The following VPS4B variants were observed in gnomAD, a reference collection of about 807,000 sequenced individuals.
VPS4B encodes vacuolar protein sorting 4 homolog B, also known as vacuolar protein sorting-associated protein 4B.
VPS4B carries 23 observed loss-of-function variants against 56.1 expected under a neutral mutation model. The observed-to-expected ratio is 0.41, with a 90% CI of 0.30 to 0.58. The LOEUF (loss-of-function observed/expected upper bound fraction) is 0.58. Among genes scored for constraint, VPS4B ranks in the 20% least tolerant of loss-of-function variants. The probability of loss-of-function intolerance (pLI) is 0.29; values close to 1 mark genes in which losing one functional copy is unlikely to be tolerated. For synonymous variants in VPS4B, 177 were observed against 186.0 expected, an observed-to-expected ratio of 0.95 and a Z score of 0.39; for missense variants, 372 against 531.9, an observed-to-expected ratio of 0.70 and a Z score of 2.96.
chr18:63,401,403 C>T (rs1159755670), intron 5 of VPS4B, among the ~76,000 whole-genome samples: 1 of 151,984 alleles, frequency 6.6e-6, no homozygotes, highest in Non-Finnish European at 1.5e-5. Flanking sequence ...TATAGGTGCC[C>T]GCCATTACGC....
intron 5 of VPS4B, among the ~76,000 whole-genome samples, chr18:63,401,681 A>G (rs1227473674): frequency 6.6e-6 from 1 of 152,184 alleles, no homozygotes; most frequent in Non-Finnish European, 1.5e-5. Flanking sequence ...AGCTGGCAGT[A>G]AACTATCAAA....
rs1466356685 is a variant in VPS4B, at chr18:63,389,364, A to G, written c.*1611T>C. ...ATTCAGGCCTTTTCCATTTAATAACAAAAACAATCTGTACAGAAAACCCAA... is the reference window on the plus strand; with the variant it reads ...ATTCAGGCCTTTTCCATTTAATAACGAAAACAATCTGTACAGAAAACCCAA... On this transcript the variant is annotated 3_prime_UTR_variant, in exon 11 of 11. Coordinates refer to ENST00000238497, the MANE Select transcript of VPS4B (RefSeq NM_004869.4). The G allele has an allele frequency of 2.0e-5, 3 of 152,646 alleles. No individual in the cohort carries two copies. The highest frequency in any genetic ancestry group is 6.5e-5 in the Admixed American group (1 of 15,286). The allele number at this position is 152,646 out of a possible 1,614,324, so 9.5% of individuals were successfully genotyped here. A position where few individuals can be genotyped will look rare whatever the true frequency, so the allele number is the denominator to read the frequency against.
At position 63,399,323 on chromosome 18, in the gene VPS4B, C is replaced by G. The variant is rs756212918; in HGVS notation, c.791G>C (p.Gly264Ala). 6.2e-7 allele frequency: 1 copy of G among 1,613,330 alleles called. No individual in the cohort carries two copies. Residue 264 changes from glycine to alanine, a missense_variant and splice_region_variant, in exon 8 of 11, where the codon GGG becomes GCG. Transcript: ENST00000238497. ...AATTCCATCATTGTCTACACCAACC[C>G]CTGCATTAAAATAGGTAATGCTTTA... ...IKTEFLVQMQ[G>A]VGVDNDGILV...
chr18:63,397,659 T>C (rs1276116832), intron 8 of VPS4B, among the ~76,000 whole-genome samples: 2 of 152,192 alleles, frequency 1.3e-5, no homozygotes, highest in Admixed American at 6.5e-5. Flanking sequence ...CACAATCTTA[T>C]AGGATATATA....
intron 1 of VPS4B, among the ~76,000 whole-genome samples, chr18:63,412,616 T>TAAA (rs1292274737): frequency 2.0e-5 from 3 of 152,214 alleles, no homozygotes; most frequent in Admixed American, 1.3e-4. Context: ...AATTCTGACT[T>TAAA]AAACTTAATA....
chr18:63,412,304 T>C (rs931994397), intron 1 of VPS4B, among the ~76,000 whole-genome samples: 1 of 152,196 alleles, frequency 6.6e-6, no homozygotes, highest in Non-Finnish European at 1.5e-5. Context: ...AGGAATTTAT[T>C]TGAAACAACA....
chr18:63,418,892 C>G (rs1035527820), intron 1 of VPS4B, among the ~76,000 whole-genome samples: 4 of 152,166 alleles, frequency 2.6e-5, no homozygotes, highest in African/African-American at 7.2e-5. Context: ...GCCTAGTCCA[C>G]TCTCCCTACT....
intron 10 of VPS4B, among the ~76,000 whole-genome samples, chr18:63,392,331 A>G (rs1238660148): frequency 6.6e-6 from 1 of 152,240 alleles, no homozygotes. Context: ...TATTAACTGT[A>G]ATTTTTAAAA....
At chr18:63,412,763 G>A (rs1295769753) in intron 1 of VPS4B, among the ~76,000 whole-genome samples, 2 of 152,142 alleles carry the variant, frequency 1.3e-5, no homozygotes, top group Non-Finnish European at 2.9e-5. Context: ...CTGGGCTCAG[G>A]TGATCATCCT....
intron 5 of VPS4B, among the ~76,000 whole-genome samples, chr18:63,401,011 C>G (rs1271556291): frequency 2.6e-5 from 4 of 152,190 alleles, no homozygotes; most frequent in Non-Finnish European, 5.9e-5. Flanking sequence ...TGCGTGGAGT[C>G]TAGTAGGGGA....
At chr18:63,419,166 T>C (rs191514391) in intron 1 of VPS4B, among the ~76,000 whole-genome samples, 1 of 152,340 alleles carries the variant, frequency 6.6e-6, no homozygotes, top group East Asian at 1.9e-4. Flanking sequence ...CTCACGCCTG[T>C]AATTCTACCA....
Position 63,390,057 on chromosome 18 carries a change from T to C in VPS4B, c.*918A>G, listed in dbSNP as rs192374656. 4 of 152,768 alleles carry C rather than the reference T, an allele frequency of 2.6e-5. No homozygotes were observed. In the East Asian group the frequency reaches 7.7e-4, roughly 29 times the overall value. 9.5% of individuals were successfully genotyped at this position (152,768 alleles called of 1,614,324 possible). A position where few individuals can be genotyped will look rare whatever the true frequency, so the allele number is the denominator to read the frequency against. On this transcript the variant is annotated 3_prime_UTR_variant, in exon 11 of 11. Coordinates refer to ENST00000238497, the MANE Select transcript of VPS4B (RefSeq NM_004869.4). Reference sequence around the variant, plus strand: ...AAAAGCTTACCGTTTTTGTTTTTTTTTGAGACAGAGTTTTATTCAGTCGCC... The same window carrying C: ...AAAAGCTTACCGTTTTTGTTTTTTTCTGAGACAGAGTTTTATTCAGTCGCC...
At chr18:63,414,671 G>A (rs773290858) in intron 1 of VPS4B, among the ~76,000 whole-genome samples, 13 of 152,138 alleles carry the variant, frequency 8.5e-5, no homozygotes, top group Non-Finnish European at 1.2e-4. Context: ...CTGACCTCAG[G>A]TGATACACCT....
intron 3 of VPS4B, among the ~76,000 whole-genome samples, chr18:63,408,783 A>G (rs1198351623): frequency 6.6e-6 from 1 of 152,230 alleles, no homozygotes; most frequent in Non-Finnish European, 1.5e-5. Flanking sequence ...TAAATTAGCC[A>G]AAGTGGGTCC....
chr18:63,394,364 A>G (rs965409586), intron 9 of VPS4B, among the ~76,000 whole-genome samples: 1 of 152,264 alleles, frequency 6.6e-6, no homozygotes, highest in Non-Finnish European at 1.5e-5. Flanking sequence ...TTTATCATGT[A>G]CAACTTATTT....
At chr18:63,411,982 G>GTTATATATATATCTAAAATTA (rs1916055389) in intron 1 of VPS4B, among the ~76,000 whole-genome samples, 2 of 152,092 alleles carry the variant, frequency 1.3e-5, no homozygotes, top group African/African-American at 4.8e-5. Flanking sequence ...TAATCTAAAA[G>GTTATATATATATCTAAAATTA]ATATAACAAT....
intron 1 of VPS4B, among the ~76,000 whole-genome samples, chr18:63,418,695 T>G (rs765967684): frequency 5.3e-5 from 8 of 152,166 alleles, no homozygotes; most frequent in Non-Finnish European, 8.8e-5. Context: ...CCACTGCGCC[T>G]GGCCTGGTTT....
intron 9 of VPS4B, 115 bp downstream of exon 9, chr18:63,396,919 G>A: frequency 2.1e-6 from 2 of 939,778 alleles, no homozygotes; most frequent in South Asian, 1.6e-5. Flanking sequence ...GAACCCGGGA[G>A]GCGGAGGTTG....
chr18:63,390,909 T>C lies in VPS4B; in HGVS notation c.*66A>G. On this transcript the variant is annotated 3_prime_UTR_variant, in exon 11 of 11. Transcript: ENST00000238497. ...GTTTTACTGGAAACAATTAATGCGA[T>C]CCAAATAGACAAAAATATCTATGAA... The C allele has an allele frequency of 8.6e-7, 1 of 1,164,538 alleles. No individual in the cohort carries two copies. Among genetic ancestry groups the C allele is most frequent in the Admixed American group, 2.0e-5 (1 of 50,148 alleles). The allele number at this position is 1,164,538 out of a possible 1,614,324, so 72.1% of individuals were successfully genotyped here.
Sources: gnomAD v4.1 joint callset for allele counts (sites outside exome capture counted in the v4.1 genomes callset) on GRCh38, gnomAD v4.1.1 for gene constraint, MANE v1.5 for transcripts, NCBI Gene and HGNC (gene_info 2026-07-23, HGNC 2026-07-21) for gene names.